CARD9: variants seen among roughly 807,000 people sequenced by gnomAD.
CARD9 encodes caspase recruitment domain-containing protein 9.
A neutral mutation model predicts 66.0 loss-of-function variants in CARD9; 53 were observed. That is an observed-to-expected ratio of 0.80 (90% CI 0.64 to 1.01). The LOEUF is 1.01. Among genes scored for constraint, CARD9 ranks in the 50% least tolerant of loss-of-function variants. The probability of loss-of-function intolerance (pLI) is 0.00; values close to 1 mark genes in which losing one functional copy is unlikely to be tolerated. For synonymous variants in CARD9, 387 were observed against 313.8 expected (o/e 1.23, Z -2.47); for missense variants, 769 against 743.2 (o/e 1.03, Z -0.40).
chr9:136,373,399 G>A (rs1380699692), intron 1 of CARD9, 133 bp downstream of exon 1: 1 of 633,132 alleles, frequency 1.6e-6, no homozygotes, highest in Admixed American at 6.3e-5. Context: ...GAAAGGGACG[G>A]GGCCGCATGG....
Position 136,373,562 on chromosome 9 carries a change from C to T in CARD9, c.-47G>A. 1 of 985,778 alleles carries T rather than the reference C, an allele frequency of 1.0e-6. No individual in the cohort carries two copies. Among genetic ancestry groups the T allele is most frequent in the Non-Finnish European group, 1.2e-6 (1 of 830,112 alleles). The allele number at this position is 985,778 out of a possible 1,614,324, so 61.1% of individuals were successfully genotyped here. On this transcript the variant is annotated 5_prime_UTR_variant, in exon 1 of 13. Coordinates refer to ENST00000371732, the MANE Select transcript of CARD9 (RefSeq NM_052813.5). ...GGTCTTCCAGGAGCCACCTGCACTGCAGACACACCAGGAGCCTGGGCCGCG... is the reference window on the plus strand; with the variant it reads ...GGTCTTCCAGGAGCCACCTGCACTGTAGACACACCAGGAGCCTGGGCCGCG...
At chr9:136,368,710 G>GCTT (rs1229769291) in intron 7 of CARD9, among the ~76,000 whole-genome samples, 1 of 152,224 alleles carries the variant, frequency 6.6e-6, no homozygotes, top group Non-Finnish European at 1.5e-5. Context: ...TGGAGGCCTT[G>GCTT]CAGGCCTCAC....
At position 136,371,052 on chromosome 9, in the gene CARD9, G is replaced by A; in HGVS notation, c.416C>T (p.Ser139Phe). Residue 139 changes from serine (S) to phenylalanine (F), a missense_variant, in exon 4 of 13, where the codon TCC (serine) becomes TTC (phenylalanine). Transcript: ENST00000371732. ...KVQDLTALLS[S>F]KDDFIKELRV... ...CAGCTCCTTGATGAAGTCATCTTTG[G>A]AGCTCAGCAGCGCGGTCAGGTCCTG... 5.0e-6 allele frequency: 8 copies of A among 1,612,564 alleles called. No homozygotes were observed. The highest frequency in any genetic ancestry group is 6.8e-6 in the Non-Finnish European group (8 of 1,179,884).
chr9:136,368,256 T>G (rs1588722519), intron 7 of CARD9, among the ~76,000 whole-genome samples: 1 of 152,308 alleles, frequency 6.6e-6, no homozygotes. Flanking sequence ...TGACCACCCC[T>G]GCAGCCGAGG....
intron 10 of CARD9, chr9:136,365,577 TGGC>T (rs1311916250): frequency 6.4e-6 from 2 of 312,366 alleles, no homozygotes; most frequent in Non-Finnish European, 1.2e-5. Context: ...TCTGTGGGCA[TGGC>T]GGCCCTGGGG....
rs545240228 is a variant in CARD9, at chr9:136,370,382, C to T, written c.863G>A (p.Arg288Gln). 33 of 1,610,808 alleles carry T rather than the reference C, an allele frequency of 2.0e-5. No homozygotes were observed. Among genetic ancestry groups the T allele is most frequent in the Admixed American group, 1.0e-4 (6 of 59,828 alleles). ...PYIQVLEEDW[R>Q]QALRDHQEQA... Reference sequence around the variant, plus strand: ...CTCCTGGTGGTCCCGCAGCGCCTGCCGCCAGTCCTCCTCCAGTACCTGGAT... The same window carrying T: ...CTCCTGGTGGTCCCGCAGCGCCTGCTGCCAGTCCTCCTCCAGTACCTGGAT... Residue 288 changes from arginine (R) to glutamine (Q), a missense_variant, in exon 6 of 13, where the codon CGG becomes CAG. Transcript: ENST00000371732.
Position 136,371,361 on chromosome 9 carries a change from T to C in CARD9, c.285A>G (p.Thr95=), listed in dbSNP as rs34257731. 3.6e-5 allele frequency: 57 copies of C among 1,602,060 alleles called. No individual in the cohort carries two copies. Among genetic ancestry groups the C allele is most frequent in the Non-Finnish European group, 4.5e-5 (53 of 1,174,844 alleles). The part of the protein sequence containing the change: ...LYYPQLYKKV[T]GKEPARVFSM... ...AGAAGACGCGGGCCGGCTCCTTGCC[T>C]GTGACCTTCTTGTACAGCTGCGGGT... is the stretch of plus-strand genomic sequence containing the variant. The change falls in exon 3 of 13, where the codon ACA becomes ACG. Residue 95 remains threonine, a synonymous_variant. Coordinates refer to ENST00000371732, the MANE Select transcript of CARD9 (RefSeq NM_052813.5).
In CARD9 at chr9:136,369,803, G is replaced by A. The variant is rs1286367809; in HGVS notation, c.1024C>T (p.Arg342Cys). Residue 342 changes from arginine (R) to cysteine (C), a missense_variant, in exon 7 of 13, where the codon CGC (arginine) becomes TGC (cysteine). Arg to Cys is a radical substitution (Grantham distance 180). Coordinates refer to ENST00000371732, the MANE Select transcript of CARD9 (RefSeq NM_052813.5). The part of the protein sequence containing the change: ...LRKDSKMYKD[R>C]IEAILLQMEE... ...ATCTGCAGCAGGATGGCCTCGATGC[G>A]GTCCTTGTACATCTTGGAGTCCTTA... is the stretch of plus-strand genomic sequence containing the variant. The A allele has an allele frequency of 5.0e-6, 8 of 1,612,428 alleles. No individual in the cohort carries two copies. The highest frequency in any genetic ancestry group is 1.7e-5 in the Admixed American group (1 of 59,958).
At chr9:136,367,901 A>G (rs1833165982) in intron 7 of CARD9, 73 bp from the exon 8 acceptor site, 1 of 1,501,504 alleles carries the variant, frequency 6.7e-7, no homozygotes, top group Non-Finnish European at 8.9e-7. Flanking sequence ...CCGGCCGCCC[A>G]ACTCCAAGCA....
At chr9:136,370,051 G>A (rs1833220645) in intron 6 of CARD9, 176 bp from the exon 7 acceptor site, 1 of 1,417,114 alleles carries the variant, frequency 7.1e-7, no homozygotes, top group Middle Eastern at 2.6e-4. Flanking sequence ...GGCAGGACAG[G>A]GCCCTCCGGC....
intron 7 of CARD9, among the ~76,000 whole-genome samples, chr9:136,368,908 C>G (rs1239046080): frequency 6.6e-6 from 1 of 152,164 alleles, no homozygotes; most frequent in Non-Finnish European, 1.5e-5. Context: ...CAACCTCTGC[C>G]TCCTGGGTTC....
At chr9:136,370,779 G>T in intron 4 of CARD9, 62 bp downstream of exon 4, 1 of 1,604,820 alleles carries the variant, frequency 6.2e-7, no homozygotes. Flanking sequence ...CGACCGCCCC[G>T]GCCTGCAGAC....
chr9:136,373,167 G>T (rs1221435917), intron 1 of CARD9, among the ~76,000 whole-genome samples: 1 of 152,248 alleles, frequency 6.6e-6, no homozygotes, highest in Non-Finnish European at 1.5e-5. Context: ...AGACATAGTT[G>T]CCCCAGGCTT....
intron 8 of CARD9, 114 bp from the exon 9 acceptor site, chr9:136,367,371 C>T: frequency 8.1e-7 from 1 of 1,228,178 alleles, no homozygotes; most frequent in Non-Finnish European, 1.2e-6. Flanking sequence ...TGCCCTCAGC[C>T]ACACCAGGCC....
At chr9:136,366,559 A>T in intron 10 of CARD9, 3 of 579,984 alleles carry the variant, frequency 5.2e-6, no homozygotes, top group Non-Finnish European at 9.2e-6. Flanking sequence ...AGACCCCCAC[A>T]CTCTCCACCC....
chr9:136,371,744 C>T, intron 2 of CARD9, 151 bp downstream of exon 2: 1 of 1,355,184 alleles, frequency 7.4e-7, no homozygotes, highest in Non-Finnish European at 1.0e-6. Flanking sequence ...GGCCACGTGC[C>T]AGGGTTGAGG....
In CARD9 at chr9:136,364,550, G is replaced by T; in HGVS notation, c.1444C>A (p.Leu482Met). 6.5e-7 allele frequency: 1 copy of T among 1,538,566 alleles called. No homozygotes were observed. Residue 482 changes from leucine (L) to methionine (M), a missense_variant, in exon 12 of 13, where the codon CTG (leucine) becomes ATG (methionine). Coordinates refer to ENST00000371732, the MANE Select transcript of CARD9 (RefSeq NM_052813.5). The part of the protein sequence containing the change: ...QVLRNPHDAG[L>M]SSGEPPEKER... Reference sequence around the variant, plus strand: ...TTCTCGGGCGGCTCCCCGCTGCTCAGGCCTGCGTCCTGGAGAAGGGGGAAG... The same window carrying T: ...TTCTCGGGCGGCTCCCCGCTGCTCATGCCTGCGTCCTGGAGAAGGGGGAAG...
chr9:136,372,109 G>T lies in CARD9; in HGVS notation c.-16-15C>A, dbSNP rs566796013. 2 of 1,611,520 alleles carry T rather than the reference G, an allele frequency of 1.2e-6. No homozygotes were observed. Among genetic ancestry groups the T allele is most frequent in the Admixed American group, 1.7e-5 (1 of 59,986 alleles). On this transcript the variant is annotated splice_polypyrimidine_tract_variant and intron_variant, in intron 1 of 12. Transcript: ENST00000371732. ...CAGCAGGCAGGCTGGGGAGTGTGGG[G>T]CAGTGCTGAGAGCGATGCCGGCTCC...
In CARD9 at chr9:136,371,418, G is replaced by GT; in HGVS notation, c.227dup (p.Tyr76Ter). ...GCTCCAGGCTCTCGAGGAAGGCCAC[G>GT]TAGCCCTTGTGGCCGGTCCGCTGCA... ...DILQRTGHKG[Y>*]VAFLESLELY... Residue 76 changes from tyrosine (Y) to a stop codon, truncating the protein, a stop_gained and frameshift_variant, in exon 3 of 13, where the codon TAC becomes TAAC. Coordinates refer to ENST00000371732, the MANE Select transcript of CARD9 (RefSeq NM_052813.5). LOFTEE classifies it high-confidence loss of function. 1 of 1,588,496 alleles carries GT rather than the reference G, an allele frequency of 6.3e-7. No individual in the cohort carries two copies.
Sources: allele counts gnomAD v4.1 joint callset (sites outside exome capture counted in the v4.1 genomes callset), GRCh38; gene constraint gnomAD v4.1.1; transcripts MANE v1.5; gene names NCBI Gene and HGNC (gene_info 2026-07-23, HGNC 2026-07-21).